The following REC114 variants were observed in gnomAD, a reference collection of about 807,000 sequenced individuals.
The protein encoded by REC114 is REC114 meiotic recombination protein.
A neutral mutation model predicts 31.3 loss-of-function variants in REC114; 27 were observed. The observed-to-expected ratio is 0.86, with a 90% CI of 0.64 to 1.19. The LOEUF (loss-of-function observed/expected upper bound fraction) is 1.19, where lower values mean the gene tolerates loss of function less well. REC114 is among the 50% of genes most tolerant of loss of function. The probability of loss-of-function intolerance (pLI) is 0.00; values close to 1 mark genes in which losing one functional copy is unlikely to be tolerated. For synonymous variants in REC114, 134 were observed against 127.7 expected (o/e 1.05, Z -0.33); for missense variants, 344 against 326.9 (o/e 1.05, Z -0.40).
chr15:73,466,146 C>T (rs890302130), intron 1 of REC114, among the ~76,000 whole-genome samples: 7 of 152,028 alleles, frequency 4.6e-5, no homozygotes, highest in Admixed American at 1.3e-4. Flanking sequence ...CCACCGCACC[C>T]GGCCACCAAT....
intron 2 of REC114, among the ~76,000 whole-genome samples, chr15:73,478,011 C>G (rs2141295296): frequency 6.6e-6 from 1 of 151,990 alleles, no homozygotes; most frequent in East Asian, 1.9e-4. Flanking sequence ...CGCCTGTAAT[C>G]CCAGCACTTT....
intron 2 of REC114, among the ~76,000 whole-genome samples, chr15:73,525,598 C>T (rs570477484): frequency 5.3e-5 from 8 of 151,698 alleles, no homozygotes; most frequent in African/African-American, 1.7e-4. Context: ...GGTAATTTCA[C>T]ATTGTGTTAT....
At position 73,478,123 on chromosome 15, in the gene REC114, G is replaced by A. The variant is rs190137453; in HGVS notation, c.249+4202G>A. Reference sequence around the variant, plus strand: ...TACTAAAAATATAAAAACTAGCCTGGTGTGGTGGTGGGCACCTGTAATCCC... The same window carrying A: ...TACTAAAAATATAAAAACTAGCCTGATGTGGTGGTGGGCACCTGTAATCCC... On this transcript the variant is annotated intron_variant, in intron 2 of 5. Coordinates refer to ENST00000331090, the MANE Select transcript of REC114 (RefSeq NM_001042367.2). 1.8e-3 allele frequency among the ~76,000 whole-genome samples: 268 copies of A among 152,002 alleles called. 2 individuals carry two copies. Among genetic ancestry groups the A allele is most frequent in the African/African-American group, 6.2e-3 (259 of 41,472 alleles).
At position 73,526,980 on chromosome 15, in the gene REC114, AT is replaced by A. The variant is rs536090150; in HGVS notation, c.250-13495del. Among the ~76,000 whole-genome samples the A allele has an allele frequency of 1.6e-4, 24 of 149,710 alleles. No homozygotes were observed. In the South Asian group the frequency reaches 1.7e-3, roughly 11 times the overall value. On this transcript the variant is annotated intron_variant, in intron 2 of 5. Coordinates refer to ENST00000331090, the MANE Select transcript of REC114 (RefSeq NM_001042367.2). ...GCTGATTTAGCAATACTCCTGATGT[AT>A]TTTTTTTTTAAATAGAGATAGGGTC...
chr15:73,455,364 T>A (rs527263861), intron 1 of REC114, among the ~76,000 whole-genome samples: 1 of 152,306 alleles, frequency 6.6e-6, no homozygotes, highest in South Asian at 2.1e-4. Context: ...AACTTTCAGA[T>A]TCAATCTTGG....
In REC114 at chr15:73,511,113, A is replaced by T. The variant is rs1205712750; in HGVS notation, c.250-29372A>T. Among the ~76,000 whole-genome samples, 5 of 152,012 alleles carry T rather than the reference A, an allele frequency of 3.3e-5. No individual in the cohort carries two copies. In the South Asian group the frequency reaches 8.4e-4, roughly 25 times the overall value. Reference sequence around the variant, plus strand: ...TGGTAAACTATTGATAATTGCCACAATTTCAGCTCCTGTTATTGGTCTATT... The same window carrying T: ...TGGTAAACTATTGATAATTGCCACATTTTCAGCTCCTGTTATTGGTCTATT... On this transcript the variant is annotated intron_variant, in intron 2 of 5. Transcript: ENST00000331090.
intron 4 of REC114, among the ~76,000 whole-genome samples, chr15:73,553,698 G>A (rs530973798): frequency 1.3e-5 from 2 of 152,324 alleles, no homozygotes; most frequent in East Asian, 3.9e-4. Context: ...TACAGCCCCA[G>A]ATGAAGGCTC....
chr15:73,469,839 C>T (rs1334616834), intron 1 of REC114, among the ~76,000 whole-genome samples: 2 of 152,032 alleles, frequency 1.3e-5, no homozygotes, highest in African/African-American at 4.8e-5. Context: ...TGCCCGCCAC[C>T]ATGCCCGGCT....
chr15:73,496,069 G>A (rs1250282694), intron 2 of REC114, among the ~76,000 whole-genome samples: 2 of 151,932 alleles, frequency 1.3e-5, no homozygotes, highest in Non-Finnish European at 2.9e-5. Flanking sequence ...TTATAAAAAA[G>A]TTGGCTGGGT....
At chr15:73,507,672 T>C (rs1387214801) in intron 2 of REC114, among the ~76,000 whole-genome samples, 1 of 152,208 alleles carries the variant, frequency 6.6e-6, no homozygotes, top group African/African-American at 2.4e-5. Flanking sequence ...CGTACACATA[T>C]ATAGTGTTTT....
intron 2 of REC114, among the ~76,000 whole-genome samples, chr15:73,510,333 A>C (rs1893744768): frequency 6.6e-6 from 1 of 152,194 alleles, no homozygotes; most frequent in Non-Finnish European, 1.5e-5. Context: ...CAGCTTAAAG[A>C]GATTTTGGGC....
At chr15:73,533,695 C>T (rs1894117103) in intron 2 of REC114, among the ~76,000 whole-genome samples, 1 of 146,836 alleles carries the variant, frequency 6.8e-6, no homozygotes, top group African/African-American at 2.6e-5. Context: ...ACCTAATAGA[C>T]ATCTACAGAA....
chr15:73,458,210 A>C (rs1309365561), intron 1 of REC114, among the ~76,000 whole-genome samples: 1 of 152,224 alleles, frequency 6.6e-6, no homozygotes, highest in African/African-American at 2.4e-5. Flanking sequence ...AAGTATTTTC[A>C]TAAACCTTTT....
chr15:73,495,133 C>G (rs1426046208), intron 2 of REC114, among the ~76,000 whole-genome samples: 1 of 152,138 alleles, frequency 6.6e-6, no homozygotes, highest in Non-Finnish European at 1.5e-5. Context: ...TCTCTTCTCT[C>G]TAAAGTGAGT....
chr15:73,444,612 C>A (rs1892742612), intron 1 of REC114, among the ~76,000 whole-genome samples: 1 of 152,188 alleles, frequency 6.6e-6, no homozygotes, highest in Non-Finnish European at 1.5e-5. Context: ...CCATTGAAAT[C>A]TTGAACTCCT....
intron 1 of REC114, among the ~76,000 whole-genome samples, chr15:73,460,377 A>AGCC (rs1892973980): frequency 6.6e-6 from 1 of 152,172 alleles, no homozygotes; most frequent in African/African-American, 2.4e-5. Flanking sequence ...GACACTATGC[A>AGCC]AGGCTCTGTT....
chr15:73,501,590 A>G (rs988820307), intron 2 of REC114, among the ~76,000 whole-genome samples: 60 of 152,118 alleles, frequency 3.9e-4, no homozygotes, highest in Admixed American at 2.5e-3. Flanking sequence ...AATAACAGGT[A>G]TGTGCCACCA....
chr15:73,519,012 C>G (rs183856476), intron 2 of REC114, among the ~76,000 whole-genome samples: 174 of 152,256 alleles, frequency 1.1e-3, no homozygotes, highest in Middle Eastern at 6.8e-3. Flanking sequence ...TAGAGAAATG[C>G]AGATCAAAAC....
At chr15:73,547,630 T>C (rs1894328238) in intron 3 of REC114, among the ~76,000 whole-genome samples, 1 of 152,168 alleles carries the variant, frequency 6.6e-6, no homozygotes, top group African/African-American at 2.4e-5. Flanking sequence ...AGCCAAGATA[T>C]GGAAGCAACC....
Sources: allele counts gnomAD v4.1 joint callset (sites outside exome capture counted in the v4.1 genomes callset), GRCh38; gene constraint gnomAD v4.1.1; transcripts MANE v1.5; gene names NCBI Gene and HGNC (gene_info 2026-07-23, HGNC 2026-07-21).